The following DDRGK1 variants were observed in gnomAD, a reference collection of about 807,000 sequenced individuals.
The protein encoded by DDRGK1 is DDRGK domain-containing protein 1.
Under a neutral mutation model 45.8 loss-of-function variants are expected in DDRGK1, and 38 were observed. The observed-to-expected ratio is 0.83, with a 90% CI of 0.64 to 1.09. The LOEUF is 1.09. Ranked by LOEUF, DDRGK1 falls within the 50% of genes least tolerant of loss-of-function variation. DDRGK1 has a pLI of 0.00. For missense variants in DDRGK1, 403 were observed against 419.9 expected, an observed-to-expected ratio of 0.96 and a Z score of 0.35; for synonymous variants, 171 against 168.7, an observed-to-expected ratio of 1.01 and a Z score of -0.11.
chr20:3,200,111 A>C lies in DDRGK1; in HGVS notation c.409-9T>G. ...CGTTCAGCCTCCTCTGCCTGGAGAG[A>C]GGTCTTCATAGGGGCACATCCCTCA... On this transcript the variant is annotated splice_polypyrimidine_tract_variant and intron_variant, in intron 3 of 8. Coordinates refer to ENST00000354488, the MANE Select transcript of DDRGK1 (RefSeq NM_023935.3). 1 of 1,611,382 alleles carries C rather than the reference A, an allele frequency of 6.2e-7. No homozygotes were observed. Among genetic ancestry groups the C allele is most frequent in the Non-Finnish European group, 8.5e-7 (1 of 1,178,952 alleles).
chr20:3,204,099 G>C (rs1356728735), intron 1 of DDRGK1, among the ~76,000 whole-genome samples: 7 of 152,140 alleles, frequency 4.6e-5, no homozygotes, highest in Non-Finnish European at 7.4e-5. Context: ...GCCGCCTCGC[G>C]CTTCTCCAGC....
chr20:3,201,435 C>T (rs983524104), intron 2 of DDRGK1, among the ~76,000 whole-genome samples: 1 of 148,434 alleles, frequency 6.7e-6, no homozygotes, highest in Non-Finnish European at 1.5e-5. Flanking sequence ...GCCGAGATCA[C>T]GCCACTGCAC....
intron 8 of DDRGK1, among the ~76,000 whole-genome samples, 171 bp from the exon 9 acceptor site, chr20:3,190,990 G>C (rs2066987232): frequency 6.6e-6 from 1 of 152,136 alleles, no homozygotes; most frequent in Non-Finnish European, 1.5e-5. Flanking sequence ...AGGCTGCCCT[G>C]CCTGTCCTCT....
rs749919161 is a variant in DDRGK1 at position 3,204,613 on chromosome 20, C to T, written c.15G>A (p.Val5=). Reference sequence around the variant, plus strand: ...GCAGAGCCGCCGCTACCAAGTACCACACAGGCGCCACCATGACGAGGGCCT... The same window carrying T: ...GCAGAGCCGCCGCTACCAAGTACCATACAGGCGCCACCATGACGAGGGCCT... MVAP[V]WYLVAAALLV... Residue 5 remains valine (V), a synonymous_variant, in exon 1 of 9, where the codon GTG becomes GTA. Transcript: ENST00000354488. 1.3e-6 allele frequency: 2 copies of T among 1,588,766 alleles called. No homozygotes were observed. The highest frequency in any genetic ancestry group is 1.3e-5 in the African/African-American group (1 of 74,728).
chr20:3,192,095 C>T lies in DDRGK1; in HGVS notation c.673-274G>A, dbSNP rs150140942. Among the ~76,000 whole-genome samples, 35 of 141,228 alleles carry T rather than the reference C, an allele frequency of 2.5e-4. No homozygotes were observed. The East Asian group carries it at 6.7e-3, about 27-fold the overall frequency. 92.7% of individuals were successfully genotyped at this position (141,228 alleles called of 152,430 possible). A position where few individuals can be genotyped will look rare whatever the true frequency, so the allele number is the denominator to read the frequency against. ...ATCTACCCAAAACAACCACCTGCCT[C>T]ATGGGCCCTGTCCTGGACTCCGAGA... is the stretch of plus-strand genomic sequence containing the variant. On this transcript the variant is annotated intron_variant, in intron 6 of 8. Coordinates refer to ENST00000354488, the MANE Select transcript of DDRGK1 (RefSeq NM_023935.3).
At chr20:3,199,617 T>C (rs1317837989) in intron 4 of DDRGK1, among the ~76,000 whole-genome samples, 1 of 152,234 alleles carries the variant, frequency 6.6e-6, no homozygotes, top group Non-Finnish European at 1.5e-5. Context: ...ACCTTCTGTA[T>C]GCCAGGCCCT....
chr20:3,204,680 T>C lies in DDRGK1; in HGVS notation c.-53A>G, dbSNP rs2067058800. 5.3e-6 allele frequency: 8 copies of C among 1,514,596 alleles called. No homozygotes were observed. The South Asian group carries it at 8.4e-5, about 16-fold the overall frequency. 93.8% of individuals were successfully genotyped at this position (1,514,596 alleles called of 1,614,324 possible). A position where few individuals can be genotyped will look rare whatever the true frequency, so the allele number is the denominator to read the frequency against. On this transcript the variant is annotated 5_prime_UTR_variant, in exon 1 of 9. The change abolishes an upstream ATG in the 5' untranslated region. Transcript: ENST00000354488. ...CGTCCACCCTGAGGCCGGGATCTCATAGGCCCCGCCCCTATTTCCCAATCT... is the reference window on the plus strand; with the variant it reads ...CGTCCACCCTGAGGCCGGGATCTCACAGGCCCCGCCCCTATTTCCCAATCT...
rs150425626 is a variant in DDRGK1 at position 3,194,861 on chromosome 20, C to T, written c.641G>A (p.Ser214Asn). The T allele has an allele frequency of 6.2e-7, 1 of 1,614,040 alleles. No homozygotes were observed. Among genetic ancestry groups the T allele is most frequent in the African/African-American group, 1.3e-5 (1 of 74,936 alleles). Residue 214 changes from serine to asparagine, a missense_variant, in exon 6 of 9, where the codon AGC (serine) becomes AAC (asparagine). By Grantham distance (46) the Ser-to-Asn change is conservative. Transcript: ENST00000354488. ...GETMTEEQSQSFLTEFINYIK... is the reference protein window; with the variant it reads ...GETMTEEQSQNFLTEFINYIK... ...GTAGTTGATGAACTCTGTCAGGAAG[C>T]TCTGGGACTAGAGAAGCAGAGAAAT...
chr20:3,197,028 T>A (rs1045756634), intron 4 of DDRGK1, among the ~76,000 whole-genome samples: 1 of 151,482 alleles, frequency 6.6e-6, no homozygotes, highest in East Asian at 2.0e-4. Flanking sequence ...TTCAAGACCA[T>A]CCTGGCCAAC....
chr20:3,197,889 T>C (rs1490141156), intron 4 of DDRGK1, among the ~76,000 whole-genome samples: 1 of 144,882 alleles, frequency 6.9e-6, no homozygotes. Flanking sequence ...ATCGCGCCAC[T>C]GCACTCCAGC....
At chr20:3,195,500 T>C (rs1206226432) in intron 4 of DDRGK1, 147 bp from the exon 5 acceptor site, 9 of 1,174,588 alleles carry the variant, frequency 7.7e-6, no homozygotes, top group Non-Finnish European at 9.3e-6. Context: ...CATTTCTCCA[T>C]TCCCCCAAGC....
rs773698461 is a variant in DDRGK1, at chr20:3,199,989, G to C, written c.510+12C>G. On this transcript the variant is annotated intron_variant, in intron 4 of 8. Transcript: ENST00000354488. ...GTCAAGGGTCAGAGGTCAGGGTAGG[G>C]GCTGGCCTCACCTTCTGCTCCTCCT... is the stretch of plus-strand genomic sequence containing the variant. 63 of 1,603,356 alleles carry C rather than the reference G, an allele frequency of 3.9e-5. No homozygotes were observed. Among genetic ancestry groups the C allele is most frequent in the Non-Finnish European group, 5.0e-5 (59 of 1,175,544 alleles).
rs1161549524 is a variant in DDRGK1 at position 3,200,325 on chromosome 20, C to T, written c.408+17G>A. The T allele has an allele frequency of 1.3e-6, 2 of 1,555,110 alleles. No individual in the cohort carries two copies. Among genetic ancestry groups the T allele is most frequent in the African/African-American group, 1.4e-5 (1 of 73,392 alleles). ...CTTTCGCACTTCCCAGAGCTGCACC[C>T]CATCCCTCCGGCTTGCCTCACGCTG... On this transcript the variant is annotated intron_variant, in intron 3 of 8. Transcript: ENST00000354488.
At chr20:3,202,460 T>C (rs561602625) in intron 2 of DDRGK1, among the ~76,000 whole-genome samples, 15 of 152,290 alleles carry the variant, frequency 9.8e-5, no homozygotes, top group Admixed American at 4.6e-4. Context: ...GCTTAGTCCC[T>C]GGCCAGGATT....
chr20:3,196,025 G>C (rs2067008444), intron 4 of DDRGK1, among the ~76,000 whole-genome samples: 1 of 151,988 alleles, frequency 6.6e-6, no homozygotes. Context: ...CATTCTCTGG[G>C]CCACCTCGCC....
At chr20:3,195,565 T>C (rs369689768) in intron 4 of DDRGK1, among the ~76,000 whole-genome samples, 22 of 152,194 alleles carry the variant, frequency 1.4e-4, no homozygotes, top group African/African-American at 5.3e-4. Flanking sequence ...CCTGGACAAA[T>C]GCTGCTCAGC....
chr20:3,191,673 T>G, intron 7 of DDRGK1, 92 bp downstream of exon 7: 1 of 1,385,432 alleles, frequency 7.2e-7, no homozygotes, highest in African/African-American at 1.4e-5. Flanking sequence ...AGGTAGACGG[T>G]GCATCAAGAC....
intron 4 of DDRGK1, among the ~76,000 whole-genome samples, chr20:3,195,726 A>G (rs2067007413): frequency 6.6e-6 from 1 of 151,920 alleles, no homozygotes; most frequent in Non-Finnish European, 1.5e-5. Context: ...ACACCTCATA[A>G]GCAAATGTGA....
At chr20:3,193,294 G>A (rs950040467) in intron 6 of DDRGK1, among the ~76,000 whole-genome samples, 5 of 152,262 alleles carry the variant, frequency 3.3e-5, no homozygotes, top group Non-Finnish European at 7.3e-5. Context: ...AAAGCAGACA[G>A]ACTGAATTTC....
Sources: allele counts gnomAD v4.1 joint callset (sites outside exome capture counted in the v4.1 genomes callset), GRCh38; gene constraint gnomAD v4.1.1; transcripts MANE v1.5; gene names NCBI Gene and HGNC (gene_info 2026-07-23, HGNC 2026-07-21).